CELF4: variants seen among roughly 807,000 people sequenced by gnomAD.
CELF4 encodes CUG-BP- and ETR-3-like factor 4.
CELF4 carries 18 observed loss-of-function variants against 59.9 expected under a neutral mutation model. That is an observed-to-expected ratio of 0.30 (90% confidence interval 0.21 to 0.45). The LOEUF (loss-of-function observed/expected upper bound fraction) is 0.45. Among genes scored for constraint, CELF4 ranks in the 20% least tolerant of loss-of-function variants. CELF4 has a pLI of 1.00. For synonymous variants in CELF4, 261 were observed against 267.1 expected (o/e 0.98, Z 0.22); for missense variants, 456 against 689.0 (o/e 0.66, Z 3.79).
chr18:37,290,253 G>A (rs976775402), intron 3 of CELF4, among the ~76,000 whole-genome samples: 5 of 152,154 alleles, frequency 3.3e-5, no homozygotes, highest in African/African-American at 4.8e-5. Flanking sequence ...CTGAACATGG[G>A]TCCCAGGCAC....
chr18:37,248,395 T>A lies in CELF4; in HGVS notation c.*45-3198A>T, dbSNP rs192293642. On this transcript the variant is annotated intron_variant, in intron 12 of 12. Coordinates refer to ENST00000420428, the MANE Select transcript of CELF4 (RefSeq NM_020180.4). The stretch of plus-strand genomic sequence containing the variant: ...TAGGCACATGAAGCCCTTCGAAGGT[T>A]CTGCAGCCCTGACCCATAAAAGCGC... Among the ~76,000 whole-genome samples, 42 of 152,298 alleles carry A rather than the reference T, an allele frequency of 2.8e-4. No homozygotes were observed. The South Asian group carries it at 2.9e-3, about 11-fold the overall frequency.
intron 2 of CELF4, among the ~76,000 whole-genome samples, chr18:37,368,042 G>C (rs565026577): frequency 2.0e-5 from 3 of 152,220 alleles, no homozygotes; most frequent in Admixed American, 2.0e-4. Flanking sequence ...TGGGTATAAA[G>C]AGCCAGGTTC....
chr18:37,451,346 G>A (rs1273888535), intron 2 of CELF4, among the ~76,000 whole-genome samples: 1 of 152,094 alleles, frequency 6.6e-6, no homozygotes, highest in African/African-American at 2.4e-5. Context: ...GTGCTTCTGT[G>A]TGTCTGTGTG....
chr18:37,313,907 C>T (rs574160127), intron 3 of CELF4, among the ~76,000 whole-genome samples: 24 of 152,328 alleles, frequency 1.6e-4, no homozygotes, highest in Middle Eastern at 3.4e-3. Flanking sequence ...AGCGGGACTC[C>T]GCTGCCACAT....
intron 1 of CELF4, among the ~76,000 whole-genome samples, chr18:37,546,842 C>T (rs1026833266): frequency 6.6e-6 from 1 of 152,218 alleles, no homozygotes; most frequent in African/African-American, 2.4e-5. Flanking sequence ...TCCACCAAGC[C>T]TCACCCCTTG....
chr18:37,408,552 C>T (rs2155954), intron 2 of CELF4, among the ~76,000 whole-genome samples: 86,553 of 146,542 alleles, frequency 0.59, 28,018 homozygotes, highest in South Asian at 0.82. Flanking sequence ...CCATACAAGT[C>T]TGGCAAATCT....
At position 37,509,860 on chromosome 18, in the gene CELF4, A is replaced by G. The variant is rs574641023; in HGVS notation, c.287-24253T>C. Among the ~76,000 whole-genome samples the G allele has an allele frequency of 5.3e-5, 8 of 152,374 alleles. No homozygotes were observed. In the East Asian group the frequency reaches 1.5e-3, roughly 29 times the overall value. On this transcript the variant is annotated intron_variant, in intron 1 of 12. Coordinates refer to ENST00000420428, the MANE Select transcript of CELF4 (RefSeq NM_020180.4). ...GGAAGATAATTCTGACATACACTAC[A>G]GTGTGGATGAACCTTGAAAATATGC...
intron 3 of CELF4, among the ~76,000 whole-genome samples, chr18:37,312,504 A>G (rs981189864): frequency 6.6e-6 from 1 of 152,194 alleles, no homozygotes; most frequent in African/African-American, 2.4e-5. Context: ...ATTCAAGTAT[A>G]CAAAAGATCT....
At chr18:37,314,916 G>A (rs1012165909) in intron 3 of CELF4, among the ~76,000 whole-genome samples, 2 of 152,168 alleles carry the variant, frequency 1.3e-5, no homozygotes, top group African/African-American at 4.8e-5. Flanking sequence ...TCAGTGGTGG[G>A]ACCTCCAGCC....
chr18:37,268,398 G>T (rs780374779), intron 8 of CELF4, among the ~76,000 whole-genome samples: 11 of 152,206 alleles, frequency 7.2e-5, no homozygotes, highest in Non-Finnish European at 1.6e-4. Flanking sequence ...ACCACGTCCG[G>T]ATTGTGCTCT....
Position 37,254,008 on chromosome 18 carries a change from G to A in CELF4, c.1334-70C>T. On this transcript the variant is annotated intron_variant, in intron 11 of 12. Transcript: ENST00000420428. This position sits in a 1 kb window ranked among gnomAD's most constrained non-coding sequence, Gnocchi z 5.1. ...CCCGGGGCGCTGCCGGCGGGGAGGG[G>A]TCGGGGGACAGGGGGGCGGGGCGGG... 1 of 1,291,464 alleles carries A rather than the reference G, an allele frequency of 7.7e-7. No homozygotes were observed. The highest frequency in any genetic ancestry group is 1.0e-6 in the Non-Finnish European group (1 of 958,540). 80.0% of individuals were successfully genotyped at this position (1,291,464 alleles called of 1,614,324 possible).
chr18:37,488,822 T>C (rs55883300), intron 1 of CELF4, among the ~76,000 whole-genome samples: 4,307 of 152,224 alleles, frequency 0.028, 116 homozygotes, highest in African/African-American at 0.07. Flanking sequence ...GGAAAGGGAA[T>C]GTATTTGTGA....
At chr18:37,530,275 G>A (rs138975113) in intron 1 of CELF4, among the ~76,000 whole-genome samples, 17 of 152,216 alleles carry the variant, frequency 1.1e-4, no homozygotes, top group African/African-American at 3.4e-4. Flanking sequence ...TCCATTTTAC[G>A]GGGGAGGAAA....
intron 6 of CELF4, chr18:37,274,099 A>C (rs1601748364): frequency 7.2e-7 from 1 of 1,385,962 alleles, no homozygotes; most frequent in East Asian, 2.8e-5. Context: ...ACAGCAGCCC[A>C]CCTCCTCCTG....
intron 10 of CELF4, among the ~76,000 whole-genome samples, chr18:37,262,286 C>G (rs962291448): frequency 5.3e-5 from 8 of 152,116 alleles, no homozygotes; most frequent in African/African-American, 1.9e-4. Context: ...ACCCATGGAC[C>G]ATGGCCTGGG....
chr18:37,380,114 GTTGAA>G (rs2099019161), intron 2 of CELF4, among the ~76,000 whole-genome samples: 1 of 152,142 alleles, frequency 6.6e-6, no homozygotes, highest in South Asian at 2.1e-4. Flanking sequence ...TGAACCCAAG[GTTGAA>G]TTACTGGTGC....
intron 2 of CELF4, among the ~76,000 whole-genome samples, chr18:37,394,910 A>G (rs1035464680): frequency 2.7e-5 from 4 of 149,304 alleles, no homozygotes; most frequent in African/African-American, 9.9e-5. Flanking sequence ...TCTGGTGGCC[A>G]TCACTCCACA....
At position 37,245,668 on chromosome 18, in the gene CELF4, G is replaced by T. The variant is rs75227480; in HGVS notation, c.*45-471C>A. On this transcript the variant is annotated intron_variant, in intron 12 of 12. Transcript: ENST00000420428. The surrounding 1 kb of genome is among the most constrained non-coding windows in gnomAD (Gnocchi z 4.1). Reference sequence around the variant, plus strand: ...AGGGAAAGAAGGAAGACACATCCGTGACTCAAATTTTGTAGAATCCTTGCC... The same window carrying T: ...AGGGAAAGAAGGAAGACACATCCGTTACTCAAATTTTGTAGAATCCTTGCC... Among the ~76,000 whole-genome samples, 11 of 152,266 alleles carry T rather than the reference G, an allele frequency of 7.2e-5. No homozygotes were observed. The East Asian group carries it at 2.1e-3, about 29-fold the overall frequency.
chr18:37,273,363 C>T, intron 6 of CELF4, 200 bp from the exon 7 acceptor site: 6 of 1,358,904 alleles, frequency 4.4e-6, no homozygotes, highest in Non-Finnish European at 5.7e-6. Context: ...TGAGAGATGA[C>T]TGTATTTAAA....
Sources: gnomAD v4.1 joint callset for allele counts (sites outside exome capture counted in the v4.1 genomes callset) on GRCh38, gnomAD v4.1.1 for gene constraint, Gnocchi (gnomAD v3.1) non-coding constraint, MANE v1.5 for transcripts, NCBI Gene and HGNC (gene_info 2026-07-23, HGNC 2026-07-21) for gene names.